The following PRKN variants were observed in gnomAD, a reference collection of about 807,000 sequenced individuals.
The protein encoded by PRKN is E3 ubiquitin-protein ligase parkin.
PRKN carries 56 observed loss-of-function variants against 59.5 expected under a neutral mutation model. The observed-to-expected ratio is 0.94, with a 90% CI of 0.76 to 1.18. PRKN has a LOEUF of 1.18. Ranked by LOEUF, PRKN falls within the 50% of genes most tolerant of loss-of-function variation. The pLI, the probability that PRKN is intolerant of heterozygous loss-of-function variation, is 0.00. For synonymous variants in PRKN, 250 were observed against 222.1 expected (o/e 1.13, Z -1.12); for missense variants, 657 against 596.4 (o/e 1.10, Z -1.06).
chr6:162,473,197 T>G (rs1791842529), intron 1 of PRKN, among the ~76,000 whole-genome samples: 2 of 152,192 alleles, frequency 1.3e-5, no homozygotes, highest in South Asian at 2.1e-4. Context: ...TTTGCTAGGA[T>G]GCTTACCACA....
At chr6:161,876,450 T>TTGCCGTC (rs1450818612) in intron 6 of PRKN, among the ~76,000 whole-genome samples, 1 of 152,140 alleles carries the variant, frequency 6.6e-6, no homozygotes, top group East Asian at 1.9e-4. Flanking sequence ...TAGTTGTGAC[T>TTGCCGTC]ACAGGCGCAT....
At chr6:161,537,612 C>T (rs1273963704) in intron 9 of PRKN, among the ~76,000 whole-genome samples, 5 of 152,088 alleles carry the variant, frequency 3.3e-5, no homozygotes, top group Non-Finnish European at 2.9e-5. Context: ...CCACCATGCT[C>T]GGCTAATTTT....
intron 9 of PRKN, among the ~76,000 whole-genome samples, chr6:161,431,332 T>C (rs1788638382): frequency 1.3e-5 from 2 of 152,054 alleles, no homozygotes; most frequent in Non-Finnish European, 2.9e-5. Context: ...CAAATGTTTT[T>C]AGGAACTACG....
intron 1 of PRKN, among the ~76,000 whole-genome samples, chr6:162,671,892 G>A (rs1274067776): frequency 6.6e-6 from 1 of 152,070 alleles, no homozygotes; most frequent in Non-Finnish European, 1.5e-5. Context: ...AGGGGAGGTA[G>A]GTTGGATGAG....
intron 2 of PRKN, among the ~76,000 whole-genome samples, chr6:162,331,808 A>C (rs536246742): frequency 4.3e-4 from 66 of 152,278 alleles, no homozygotes; most frequent in Non-Finnish European, 7.5e-4. Flanking sequence ...TTGCTGACTG[A>C]GACCTCCGTA....
intron 9 of PRKN, among the ~76,000 whole-genome samples, chr6:161,489,620 T>G (rs2115266523): frequency 6.7e-6 from 1 of 150,292 alleles, no homozygotes; most frequent in East Asian, 1.9e-4. Flanking sequence ...ATGATGTATG[T>G]AATAATTTTT....
chr6:162,529,598 T>C (rs1160709802), intron 1 of PRKN, among the ~76,000 whole-genome samples: 1 of 152,064 alleles, frequency 6.6e-6, no homozygotes, highest in East Asian at 1.9e-4. Flanking sequence ...AAAAGAAACA[T>C]TTAATAGGGA....
At chr6:162,595,654 T>A (rs1378822954) in intron 1 of PRKN, among the ~76,000 whole-genome samples, 2 of 152,172 alleles carry the variant, frequency 1.3e-5, no homozygotes, top group African/African-American at 4.8e-5. Context: ...TTTAGTGTTA[T>A]TTTTAAATAG....
chr6:162,392,633 G>A (rs945617528), intron 2 of PRKN, among the ~76,000 whole-genome samples: 4 of 152,124 alleles, frequency 2.6e-5, no homozygotes, highest in African/African-American at 9.7e-5. Flanking sequence ...CATATAGATT[G>A]AGGCCAACAT....
At chr6:162,082,934 C>G (rs765940471) in intron 4 of PRKN, among the ~76,000 whole-genome samples, 30 of 152,078 alleles carry the variant, frequency 2.0e-4, no homozygotes, top group Non-Finnish European at 4.0e-4. Flanking sequence ...GATCACTGAT[C>G]ATACCCTAAA....
At chr6:161,537,780 G>T (rs963914015) in intron 9 of PRKN, among the ~76,000 whole-genome samples, 1 of 152,208 alleles carries the variant, frequency 6.6e-6, no homozygotes, top group Non-Finnish European at 1.5e-5. Context: ...TCAAAAGCTT[G>T]CATTTGATAA....
chr6:161,551,906 A>G lies in PRKN; in HGVS notation c.934-2903T>C, dbSNP rs1484255001. Among the ~76,000 whole-genome samples the G allele has an allele frequency of 6.6e-6, 1 of 152,104 alleles. No individual in the cohort carries two copies. The highest frequency in any genetic ancestry group is 1.9e-4 in the East Asian group (1 of 5,172). On this transcript the variant is annotated intron_variant, in intron 8 of 11. Coordinates refer to ENST00000366898, the MANE Select transcript of PRKN (RefSeq NM_004562.3). The surrounding 1 kb of genome is among the most constrained non-coding windows in gnomAD (Gnocchi z 5.2). ...TAGGTTGGAGGGGAGGATCTAAAGG[A>G]TGTGTGGAGGGTTGGCCTTCAGAGA...
intron 2 of PRKN, among the ~76,000 whole-genome samples, chr6:162,384,978 C>A (rs1786720577): frequency 1.3e-5 from 2 of 152,054 alleles, no homozygotes; most frequent in Non-Finnish European, 2.9e-5. Flanking sequence ...ATGAAGGGGC[C>A]TATGTTTATA....
chr6:162,617,460 G>A (rs549598719), intron 1 of PRKN, among the ~76,000 whole-genome samples: 73 of 152,232 alleles, frequency 4.8e-4, no homozygotes, highest in African/African-American at 1.7e-3. Flanking sequence ...TTGAACTCCC[G>A]ACCTCAAGTG....
At chr6:162,036,322 TCAAAA>T (rs1007529977) in intron 5 of PRKN, among the ~76,000 whole-genome samples, 4 of 151,792 alleles carry the variant, frequency 2.6e-5, no homozygotes, top group Non-Finnish European at 5.9e-5. Context: ...AGACCCCGTC[TCAAAA>T]CAAAACAAAA....
intron 2 of PRKN, among the ~76,000 whole-genome samples, chr6:162,364,578 T>C (rs1785320738): frequency 6.6e-6 from 1 of 152,166 alleles, no homozygotes; most frequent in Admixed American, 6.6e-5. Flanking sequence ...CTCAAAATAC[T>C]CTTTCAAATG....
intron 3 of PRKN, among the ~76,000 whole-genome samples, chr6:162,235,950 G>A (rs28778152): frequency 0.48 from 48,434 of 101,138 alleles, 12,931 homozygotes; most frequent in East Asian, 0.82. Context: ...AGGAAGGAAG[G>A]AAGAAAGGAA....
chr6:162,304,546 T>TCTATCATCTATCTATCTATCTA lies in PRKN; in HGVS notation c.172-41782_172-41781insTAGATAGATAGATAGATGATAG, dbSNP rs1562655174. ...ATCTATCTATCTATCTATCTATCTA[T>TCTATCATCTATCTATCTATCTA]TTATCCATCTGTCCATTTATCTATC... On this transcript the variant is annotated intron_variant, in intron 2 of 11. Transcript: ENST00000366898. Among the ~76,000 whole-genome samples the TCTATCATCTATCTATCTATCTA allele has an allele frequency of 3.4e-5, 4 of 116,202 alleles. 1 individual carries two copies. The highest frequency in any genetic ancestry group is 1.4e-4 in the African/African-American group (3 of 21,730). The allele number at this position is 116,202 out of a possible 152,430, so 76.2% of individuals were successfully genotyped here. A position where few individuals can be genotyped will look rare whatever the true frequency, so the allele number is the denominator to read the frequency against.
chr6:161,779,863 T>A (rs1330938442), intron 7 of PRKN, among the ~76,000 whole-genome samples: 1 of 152,160 alleles, frequency 6.6e-6, no homozygotes, highest in Admixed American at 6.5e-5. Context: ...GATAGATGGG[T>A]AATTGGCTGA....
Sources: gnomAD v4.1 joint callset for allele counts (sites outside exome capture counted in the v4.1 genomes callset) on GRCh38, gnomAD v4.1.1 for gene constraint, Gnocchi (gnomAD v3.1) non-coding constraint, MANE v1.5 for transcripts, NCBI Gene and HGNC (gene_info 2026-07-23, HGNC 2026-07-21) for gene names.